The following PRKAR2B variants were observed in gnomAD, a reference collection of about 807,000 sequenced individuals.
The protein encoded by PRKAR2B is protein kinase cAMP-dependent type II regulatory subunit beta, also known as cAMP-dependent protein kinase type II-beta regulatory subunit.
In PRKAR2B, 14 loss-of-function variants were observed where a neutral mutation model predicts 49.9. The observed-to-expected ratio is 0.28, with a 90% confidence interval of 0.19 to 0.44. The LOEUF (loss-of-function observed/expected upper bound fraction) is 0.44, where lower values mean the gene tolerates loss of function less well. Among genes scored for constraint, PRKAR2B ranks in the 20% least tolerant of loss-of-function variants. PRKAR2B has a pLI of 1.00. For missense variants in PRKAR2B, 393 were observed against 537.9 expected, an observed-to-expected ratio of 0.73 and a Z score of 2.67; for synonymous variants, 196 against 197.7, an observed-to-expected ratio of 0.99 and a Z score of 0.07.
chr7:107,110,925 G>T (rs1035775959), intron 2 of PRKAR2B, among the ~76,000 whole-genome samples: 1 of 151,998 alleles, frequency 6.6e-6, no homozygotes, highest in Non-Finnish European at 1.5e-5. Context: ...TGCACCTTAG[G>T]TACTAGCTCA....
chr7:107,153,695 G>A (rs1315718729), intron 8 of PRKAR2B, among the ~76,000 whole-genome samples: 1 of 152,096 alleles, frequency 6.6e-6, no homozygotes, highest in Non-Finnish European at 1.5e-5. Context: ...GACTACATGT[G>A]GGTCAACATG....
At position 107,161,504 on chromosome 7, in the gene PRKAR2B, T is replaced by C. The variant is rs1796196404; in HGVS notation, c.*1922T>C. On this transcript the variant is annotated 3_prime_UTR_variant, in exon 11 of 11. Coordinates refer to ENST00000265717, the MANE Select transcript of PRKAR2B (RefSeq NM_002736.3). ...AATAAAGCACACTTTTATAATAAAATACATGAATTATTGTTTTTCATACTT... is the reference window on the plus strand; with the variant it reads ...AATAAAGCACACTTTTATAATAAAACACATGAATTATTGTTTTTCATACTT... The C allele has an allele frequency of 6.6e-6, 1 of 152,648 alleles. No individual in the cohort carries two copies. The highest frequency in any genetic ancestry group is 1.5e-5 in the Non-Finnish European group (1 of 68,026). The allele number at this position is 152,648 out of a possible 1,614,324, so 9.5% of individuals were successfully genotyped here. A position where few individuals can be genotyped will look rare whatever the true frequency, so the allele number is the denominator to read the frequency against.
At chr7:107,089,930 C>T (rs1562853023) in intron 2 of PRKAR2B, among the ~76,000 whole-genome samples, 1 of 152,222 alleles carries the variant, frequency 6.6e-6, no homozygotes, top group Non-Finnish European at 1.5e-5. Flanking sequence ...TTGAATCTGT[C>T]ATCTTGCAAA....
At chr7:107,083,914 C>T (rs912341042) in intron 2 of PRKAR2B, among the ~76,000 whole-genome samples, 1 of 152,098 alleles carries the variant, frequency 6.6e-6, no homozygotes, top group Non-Finnish European at 1.5e-5. Flanking sequence ...TCTGGCCAAA[C>T]CTAGTTTTTA....
At chr7:107,057,518 A>G (rs1486884115) in intron 1 of PRKAR2B, among the ~76,000 whole-genome samples, 1 of 152,224 alleles carries the variant, frequency 6.6e-6, no homozygotes, top group Non-Finnish European at 1.5e-5. Flanking sequence ...AAGAGTAATT[A>G]TGTGAAACAT....
intron 2 of PRKAR2B, among the ~76,000 whole-genome samples, chr7:107,120,208 C>T (rs1337094094): frequency 2.0e-5 from 3 of 152,160 alleles, no homozygotes; most frequent in East Asian, 1.9e-4. Flanking sequence ...CTGTTCAGGG[C>T]GGGGTGTTCG....
chr7:107,088,246 C>T (rs1022387468), intron 2 of PRKAR2B, among the ~76,000 whole-genome samples: 4 of 152,126 alleles, frequency 2.6e-5, no homozygotes, highest in Non-Finnish European at 2.9e-5. Context: ...GCGGAAACCT[C>T]GTTCAGGTAT....
At chr7:107,149,089 A>C (rs1795941004) in intron 6 of PRKAR2B, among the ~76,000 whole-genome samples, 1 of 152,138 alleles carries the variant, frequency 6.6e-6, no homozygotes, top group East Asian at 1.9e-4. Context: ...TCACTTTGGG[A>C]GCATTTATGA....
intron 1 of PRKAR2B, among the ~76,000 whole-genome samples, chr7:107,062,993 T>C (rs1794055398): frequency 6.6e-6 from 1 of 152,170 alleles, no homozygotes; most frequent in Non-Finnish European, 1.5e-5. Flanking sequence ...ACTCAATACT[T>C]GTATACATAA....
rs1384509562 is a variant in PRKAR2B, at chr7:107,045,142, G to A, written c.235G>A (p.Glu79Lys). Reference protein sequence around the residue: ...TPSKGVNFAEEPMQSDSEDGE... With the variant: ...TPSKGVNFAEKPMQSDSEDGE... ...CAGCAAGGGGGTCAACTTCGCCGAG[G>A]AGCCCATGCAGTCCGACTCCGAGGA... The change falls in exon 1 of 11, where the codon GAG becomes AAG. Residue 79 changes from glutamate to lysine, a missense_variant. By Grantham distance (56) the Glu-to-Lys change is moderately conservative. This residue lies in a region of PRKAR2B where 160 missense variants were observed against 147.6 expected (regional missense o/e 1.08). Coordinates refer to ENST00000265717, the MANE Select transcript of PRKAR2B (RefSeq NM_002736.3). 2.6e-6 allele frequency: 4 copies of A among 1,516,904 alleles called. No homozygotes were observed. The highest frequency in any genetic ancestry group is 3.5e-6 in the Non-Finnish European group (4 of 1,134,624). The allele number at this position is 1,516,904 out of a possible 1,614,324, so 94.0% of individuals were successfully genotyped here. A position where few individuals can be genotyped will look rare whatever the true frequency, so the allele number is the denominator to read the frequency against.
chr7:107,143,393 G>T (rs1294246442), intron 5 of PRKAR2B, among the ~76,000 whole-genome samples: 1 of 152,194 alleles, frequency 6.6e-6, no homozygotes, highest in Non-Finnish European at 1.5e-5. Context: ...CCCCGAAGGG[G>T]TTAGTGTACG....
chr7:107,093,911 C>T (rs1232346085), intron 2 of PRKAR2B, among the ~76,000 whole-genome samples: 8 of 152,090 alleles, frequency 5.3e-5, no homozygotes, highest in Admixed American at 5.2e-4. Context: ...CAGTCTATTA[C>T]TGATGGACAT....
At chr7:107,109,875 A>G (rs1315392525) in intron 2 of PRKAR2B, among the ~76,000 whole-genome samples, 5 of 152,178 alleles carry the variant, frequency 3.3e-5, no homozygotes, top group Non-Finnish European at 7.3e-5. Flanking sequence ...AGAAGCCTCA[A>G]CCAGTTGTTC....
At chr7:107,116,317 C>T (rs1795271694) in intron 2 of PRKAR2B, among the ~76,000 whole-genome samples, 1 of 152,132 alleles carries the variant, frequency 6.6e-6, no homozygotes, top group Non-Finnish European at 1.5e-5. Context: ...CCTTTCCCTG[C>T]CCTCTGAGCT....
Position 107,088,209 on chromosome 7 carries a change from G to C in PRKAR2B, c.343+17893G>C, listed in dbSNP as rs192234411. Among the ~76,000 whole-genome samples the C allele has an allele frequency of 5.3e-5, 8 of 152,120 alleles. 1 individual carries two copies. The highest frequency in any genetic ancestry group is 1.2e-4 in the Non-Finnish European group (8 of 68,020). On this transcript the variant is annotated intron_variant, in intron 2 of 10. Coordinates refer to ENST00000265717, the MANE Select transcript of PRKAR2B (RefSeq NM_002736.3). ...TCCAGTGAGCCACTCGTTGGAGGTGGGTTCTTCAGCATGGTCTTTCATAGG... is the reference window on the plus strand; with the variant it reads ...TCCAGTGAGCCACTCGTTGGAGGTGCGTTCTTCAGCATGGTCTTTCATAGG...
At chr7:107,097,644 G>A (rs1041726941) in intron 2 of PRKAR2B, among the ~76,000 whole-genome samples, 2 of 152,054 alleles carry the variant, frequency 1.3e-5, no homozygotes, top group Non-Finnish European at 2.9e-5. Context: ...GCAGTGGCTG[G>A]TACCAGTTGT....
At chr7:107,081,744 A>G (rs1196792647) in intron 2 of PRKAR2B, 1 of 152,180 alleles carries the variant, frequency 6.6e-6, no homozygotes, top group Non-Finnish European at 1.5e-5. Context: ...TAAAATATAC[A>G]TTAATGGTAC....
intron 4 of PRKAR2B, among the ~76,000 whole-genome samples, chr7:107,136,538 C>T (rs983856955): frequency 2.0e-5 from 3 of 152,118 alleles, no homozygotes; most frequent in African/African-American, 7.2e-5. Flanking sequence ...ATACAAATGG[C>T]ACACAAGCAT....
chr7:107,141,233 T>A (rs1160920132), intron 5 of PRKAR2B, among the ~76,000 whole-genome samples: 7 of 152,224 alleles, frequency 4.6e-5, no homozygotes, highest in Non-Finnish European at 1.0e-4. Flanking sequence ...TGAATTCTAA[T>A]TGAGAGATAT....
Sources: allele counts gnomAD v4.1 joint callset (sites outside exome capture counted in the v4.1 genomes callset), GRCh38; gene constraint gnomAD v4.1.1; regional missense constraint gnomAD v4.1.1; transcripts MANE v1.5; gene names NCBI Gene and HGNC (gene_info 2026-07-23, HGNC 2026-07-21).